The following ARHGAP42 variants were observed in gnomAD, a reference collection of about 807,000 sequenced individuals.
ARHGAP42 encodes rho GTPase-activating protein 42.
ARHGAP42 carries 63 observed loss-of-function variants against 125.0 expected under a neutral mutation model. The ratio of observed to expected loss-of-function variants is 0.50; its 90% CI spans 0.41 to 0.62. ARHGAP42 has a LOEUF of 0.62. Ranked by LOEUF, ARHGAP42 falls within the 20% of genes least tolerant of loss-of-function variation. ARHGAP42 has a pLI of 0.00. For missense variants in ARHGAP42, 766 were observed against 1,024.2 expected (o/e 0.75, Z 3.44); for synonymous variants, 339 against 351.0 (o/e 0.97, Z 0.38).
At chr11:100,709,358 A>G (rs1861525996) in intron 1 of ARHGAP42, among the ~76,000 whole-genome samples, 1 of 151,820 alleles carries the variant, frequency 6.6e-6, no homozygotes, top group Non-Finnish European at 1.5e-5. Context: ...CAGCTTTCTT[A>G]TTGTGATCTG....
At chr11:100,910,635 A>G (rs954390929) in intron 4 of ARHGAP42, among the ~76,000 whole-genome samples, 1 of 151,860 alleles carries the variant, frequency 6.6e-6, no homozygotes, top group Non-Finnish European at 1.5e-5. Flanking sequence ...ATATGGGGTT[A>G]CATTACTAAG....
chr11:100,740,662 A>T (rs1862165055), intron 1 of ARHGAP42, among the ~76,000 whole-genome samples: 1 of 152,124 alleles, frequency 6.6e-6, no homozygotes, highest in Non-Finnish European at 1.5e-5. Context: ...AGTGAAGGGG[A>T]TGGTGCCAGC....
chr11:100,691,015 T>C (rs1861180232), intron 1 of ARHGAP42, among the ~76,000 whole-genome samples: 1 of 152,238 alleles, frequency 6.6e-6, no homozygotes, highest in African/African-American at 2.4e-5. Flanking sequence ...TACAGTGTGA[T>C]AGTTGGCAAG....
intron 4 of ARHGAP42, among the ~76,000 whole-genome samples, chr11:100,896,775 T>C (rs1057388417): frequency 3.9e-5 from 6 of 152,138 alleles, no homozygotes. Context: ...AAAATTTTCT[T>C]TCATTCTGTA....
At chr11:100,801,857 A>G (rs1162660226) in intron 3 of ARHGAP42, among the ~76,000 whole-genome samples, 1 of 152,262 alleles carries the variant, frequency 6.6e-6, no homozygotes, top group Non-Finnish European at 1.5e-5. Context: ...GCACAAATAT[A>G]AGAAATAATC....
intron 12 of ARHGAP42, 147 bp from the exon 13 acceptor site, chr11:100,959,735 TA>T (rs1857906046): frequency 1.5e-6 from 1 of 657,362 alleles, no homozygotes; most frequent in African/African-American, 1.8e-5. Context: ...TACCCCAAAA[TA>T]AAAAGTCAGC....
At chr11:100,864,279 G>T (rs1963052475) in intron 4 of ARHGAP42, among the ~76,000 whole-genome samples, 1 of 151,796 alleles carries the variant, frequency 6.6e-6, no homozygotes. Context: ...CCACCTCCCG[G>T]CTTCATGTGA....
At chr11:100,876,007 A>G (rs896886057) in intron 4 of ARHGAP42, among the ~76,000 whole-genome samples, 2 of 152,096 alleles carry the variant, frequency 1.3e-5, no homozygotes, top group African/African-American at 4.8e-5. Flanking sequence ...TAAAATGCTT[A>G]ACTCTTTGAT....
intron 4 of ARHGAP42, among the ~76,000 whole-genome samples, chr11:100,878,006 GAAAAAA>G (rs35482152): frequency 1.6e-5 from 1 of 64,452 alleles, no homozygotes; most frequent in African/African-American, 5.5e-5. Context: ...CTCTGTCCCA[GAAAAAA>G]AAAAAAAAAA....
chr11:100,705,018 A>ACACC (rs1861460245), intron 1 of ARHGAP42, among the ~76,000 whole-genome samples: 1 of 135,582 alleles, frequency 7.4e-6, no homozygotes, highest in Admixed American at 7.6e-5. Context: ...AACAACAAAA[A>ACACC]AAAAAAAAAA....
At chr11:100,741,671 G>A (rs768690694) in intron 1 of ARHGAP42, among the ~76,000 whole-genome samples, 1 of 152,162 alleles carries the variant, frequency 6.6e-6, no homozygotes, top group South Asian at 2.1e-4. Context: ...GAGGACATGC[G>A]TTACTTAGAT....
At chr11:100,781,285 G>GT (rs143132073) in intron 2 of ARHGAP42, among the ~76,000 whole-genome samples, 9,703 of 144,638 alleles carry the variant, frequency 0.067, 544 homozygotes, top group African/African-American at 0.17. Flanking sequence ...AACATGAACT[G>GT]TTTTTTTTTT....
At chr11:100,835,240 G>C (rs1248203194) in intron 3 of ARHGAP42, among the ~76,000 whole-genome samples, 2 of 151,998 alleles carry the variant, frequency 1.3e-5, no homozygotes, top group African/African-American at 2.4e-5. Context: ...GAGACCTCCA[G>C]CATTACATTA....
chr11:100,976,261 G>A lies in ARHGAP42; in HGVS notation c.2060G>A (p.Ser687Asn). The change falls in exon 20 of 24, where the codon AGT becomes AAT. Residue 687 changes from serine (S) to asparagine (N), a missense_variant. By Grantham distance (46) the Ser-to-Asn change is conservative. Around this residue, in one of 3 missense-constraint regions of ARHGAP42, gnomAD observed 308 missense variants for 369.7 expected, o/e 0.83. Transcript: ENST00000298815. ...LGLWTTSPES[S>N]SREDATKTDA... Reference sequence around the variant, plus strand: ...CTGTGGACAACTAGTCCTGAATCAAGTTCCAGAGAAGATGCAACCAAGACA... The same window carrying A: ...CTGTGGACAACTAGTCCTGAATCAAATTCCAGAGAAGATGCAACCAAGACA... The A allele has an allele frequency of 6.4e-7, 1 of 1,551,690 alleles. No homozygotes were observed. Among genetic ancestry groups the A allele is most frequent in the South Asian group, 1.2e-5 (1 of 84,048 alleles).
At chr11:100,778,513 ATT>A (rs1863186447) in intron 2 of ARHGAP42, among the ~76,000 whole-genome samples, 1 of 151,844 alleles carries the variant, frequency 6.6e-6, no homozygotes, top group African/African-American at 2.4e-5. Context: ...GAGGAAGCAT[ATT>A]TTACTTTTTA....
intron 1 of ARHGAP42, among the ~76,000 whole-genome samples, chr11:100,727,701 T>C (rs1002605769): frequency 2.6e-5 from 4 of 152,200 alleles, no homozygotes; most frequent in Admixed American, 6.5e-5. Context: ...GGACAGAAGC[T>C]TGGGACTCTT....
At chr11:100,960,582 T>G (rs1422454255) in intron 13 of ARHGAP42, among the ~76,000 whole-genome samples, 1 of 152,180 alleles carries the variant, frequency 6.6e-6, no homozygotes, top group Non-Finnish European at 1.5e-5. Context: ...CTTTTCAACA[T>G]GCAGGAGGAC....
intron 2 of ARHGAP42, among the ~76,000 whole-genome samples, chr11:100,784,711 G>T (rs1219251920): frequency 6.6e-6 from 1 of 152,104 alleles, no homozygotes; most frequent in Non-Finnish European, 1.5e-5. Context: ...GTAATTTGAT[G>T]TGTTAAATTT....
At chr11:100,725,175 C>CT (rs556524299) in intron 1 of ARHGAP42, among the ~76,000 whole-genome samples, 2,123 of 141,598 alleles carry the variant, frequency 0.015, 15 homozygotes, top group African/African-American at 0.029. Context: ...AATATTTTTC[C>CT]TTTTTTTTTT....
Sources: allele counts gnomAD v4.1 joint callset (sites outside exome capture counted in the v4.1 genomes callset), GRCh38; gene constraint gnomAD v4.1.1; regional missense constraint gnomAD v4.1.1; transcripts MANE v1.5; gene names NCBI Gene and HGNC (gene_info 2026-07-23, HGNC 2026-07-21).